Variants in DCC observed in about 807,000 individuals in gnomAD.
DCC encodes DCC netrin 1 receptor, also known as netrin receptor DCC.
Under a neutral mutation model 172.5 loss-of-function variants are expected in DCC, and 58 were observed. The observed-to-expected ratio is 0.34, with a 90% confidence interval of 0.27 to 0.42. The LOEUF (loss-of-function observed/expected upper bound fraction) is 0.42. Ranked by LOEUF, DCC falls within the 10% of genes least tolerant of loss-of-function variation. The pLI is 1.00. For synonymous variants in DCC, 709 were observed against 644.5 expected, an observed-to-expected ratio of 1.10 and a Z score of -1.52; for missense variants, 1,740 against 1,791.0, an observed-to-expected ratio of 0.97 and a Z score of 0.51.
intron 26 of DCC, among the ~76,000 whole-genome samples, chr18:53,494,549 C>T (rs961355896): frequency 2.0e-5 from 3 of 152,138 alleles, no homozygotes; most frequent in African/African-American, 7.2e-5. Context: ...TGCATTGATC[C>T]CTTTAACCAT....
intron 11 of DCC, among the ~76,000 whole-genome samples, chr18:53,213,141 A>G (rs895016298): frequency 6.6e-6 from 1 of 152,216 alleles, no homozygotes; most frequent in Non-Finnish European, 1.5e-5. Context: ...TAAGGGTTGC[A>G]TATCAGCTAG....
In DCC at chr18:52,860,880, C is replaced by A. The variant is rs568011045; in HGVS notation, c.413-45164C>A. On this transcript the variant is annotated intron_variant, in intron 2 of 28. Coordinates refer to ENST00000442544, the MANE Select transcript of DCC (RefSeq NM_005215.4). ...CAGGTGCCAGGTGTGGTGACATGTG[C>A]CTGTAGTCCCAGCTGCTCAGGAGGC... Among the ~76,000 whole-genome samples the A allele has an allele frequency of 7.2e-5, 11 of 152,088 alleles. 1 individual carries two copies. The highest frequency in any genetic ancestry group is 7.2e-4 in the Admixed American group (11 of 15,268).
At chr18:52,470,077 T>A (rs1021280654) in intron 1 of DCC, among the ~76,000 whole-genome samples, 1 of 152,326 alleles carries the variant, frequency 6.6e-6, no homozygotes, top group Middle Eastern at 3.4e-3. Context: ...CAGTCAAATA[T>A]GTATTTGATT....
In DCC at chr18:53,031,040, C is replaced by T. The variant is rs554681684; in HGVS notation, c.986-32265C>T. Among the ~76,000 whole-genome samples, 12 of 152,234 alleles carry T rather than the reference C, an allele frequency of 7.9e-5. No homozygotes were observed. In the East Asian group the frequency reaches 1.2e-3, roughly 15 times the overall value. Reference sequence around the variant, plus strand: ...TTGAGAGGCTGAGGCAGATGGATCACGTGAGGTCAAGAGTTCGAGACCAGC... The same window carrying T: ...TTGAGAGGCTGAGGCAGATGGATCATGTGAGGTCAAGAGTTCGAGACCAGC... On this transcript the variant is annotated intron_variant, in intron 5 of 28. Coordinates refer to ENST00000442544, the MANE Select transcript of DCC (RefSeq NM_005215.4).
intron 1 of DCC, among the ~76,000 whole-genome samples, chr18:52,404,436 T>A (rs1986557362): frequency 2.0e-5 from 3 of 152,054 alleles, no homozygotes; most frequent in Admixed American, 2.0e-4. Context: ...CTGTGTGCCT[T>A]CCTCCTGCTG....
chr18:52,966,167 C>T lies in DCC; in HGVS notation c.985+40797C>T, dbSNP rs559412456. Among the ~76,000 whole-genome samples the T allele has an allele frequency of 6.6e-5, 10 of 152,186 alleles. No homozygotes were observed. In the South Asian group the frequency reaches 2.1e-3, roughly 32 times the overall value. On this transcript the variant is annotated intron_variant, in intron 5 of 28. Transcript: ENST00000442544. ...ACCTTTTTCCCTTGCTATTTTGAAG[C>T]CAAGATTTACCCTGAAGCAAAAAGT...
rs552927709 is a variant in DCC at position 53,283,698 on chromosome 18, A to G, written c.1912-21880A>G. Reference sequence around the variant, plus strand: ...AATTAAAACATAGGCCAGGATTACAATTGTATATAATCAATGCATGTAAGA... The same window carrying G: ...AATTAAAACATAGGCCAGGATTACAGTTGTATATAATCAATGCATGTAAGA... On this transcript the variant is annotated intron_variant, in intron 12 of 28. Coordinates refer to ENST00000442544, the MANE Select transcript of DCC (RefSeq NM_005215.4). 1.3e-3 allele frequency among the ~76,000 whole-genome samples: 205 copies of G among 152,220 alleles called. 1 individual carries two copies. The highest frequency in any genetic ancestry group is 8.2e-4 in the Non-Finnish European group (56 of 68,028).
intron 5 of DCC, among the ~76,000 whole-genome samples, chr18:53,025,885 AAATT>A (rs2041948752): frequency 6.6e-6 from 1 of 151,838 alleles, no homozygotes; most frequent in Admixed American, 6.6e-5. Flanking sequence ...TTGGTGGAAT[AAATT>A]AAAATGTGGT....
At chr18:52,437,970 T>G (rs557774447) in intron 1 of DCC, among the ~76,000 whole-genome samples, 6 of 152,342 alleles carry the variant, frequency 3.9e-5, no homozygotes, top group African/African-American at 1.4e-4. Context: ...TAAGCTTGAC[T>G]ATCCCTATTC....
At chr18:53,032,743 G>T (rs148984818) in intron 5 of DCC, among the ~76,000 whole-genome samples, 4 of 152,266 alleles carry the variant, frequency 2.6e-5, no homozygotes, top group Admixed American at 2.6e-4. Flanking sequence ...AGGGTACAGA[G>T]TGCATGAGGA....
chr18:52,985,961 A>C (rs776382465), intron 5 of DCC, among the ~76,000 whole-genome samples: 2 of 152,120 alleles, frequency 1.3e-5, no homozygotes, highest in African/African-American at 4.8e-5. Flanking sequence ...GCATTATCTT[A>C]ATGCCTTTTA....
chr18:53,140,687 A>T, intron 7 of DCC, among the ~76,000 whole-genome samples: 1 of 152,174 alleles, frequency 6.6e-6, no homozygotes, highest in South Asian at 2.1e-4. Flanking sequence ...AGAGACAAAA[A>T]ATTGATTTTT....
intron 1 of DCC, among the ~76,000 whole-genome samples, chr18:52,539,837 C>A (rs1197703456): frequency 6.6e-6 from 1 of 151,946 alleles, no homozygotes; most frequent in Non-Finnish European, 1.5e-5. Flanking sequence ...AGCCATTCCA[C>A]AAAACATGTT....
chr18:52,406,411 G>A (rs538543585), intron 1 of DCC, among the ~76,000 whole-genome samples: 22 of 151,790 alleles, frequency 1.4e-4, no homozygotes, highest in Non-Finnish European at 2.1e-4. Context: ...GAAAATTTTC[G>A]CAACCTACTC....
At chr18:52,904,958 T>TA (rs1414654580) in intron 2 of DCC, among the ~76,000 whole-genome samples, 3 of 152,142 alleles carry the variant, frequency 2.0e-5, no homozygotes, top group African/African-American at 4.8e-5. Flanking sequence ...TGTAATAATT[T>TA]AAAAAAACAC....
At chr18:53,466,887 A>T (rs955499792) in intron 24 of DCC, among the ~76,000 whole-genome samples, 14 of 152,168 alleles carry the variant, frequency 9.2e-5, no homozygotes, top group Non-Finnish European at 1.5e-5. Context: ...GTGTGGACAG[A>T]GTTAGATTTA....
intron 1 of DCC, among the ~76,000 whole-genome samples, chr18:52,621,324 G>A (rs906114884): frequency 6.6e-6 from 1 of 152,162 alleles, no homozygotes; most frequent in African/African-American, 2.4e-5. Flanking sequence ...TAACTGCACT[G>A]GTGATGAACT....
At chr18:53,512,682 G>A (rs923654250) in intron 27 of DCC, among the ~76,000 whole-genome samples, 10 of 152,020 alleles carry the variant, frequency 6.6e-5, no homozygotes, top group South Asian at 6.2e-4. Context: ...CTCAGGAGCC[G>A]ATGCAATCAA....
intron 20 of DCC, among the ~76,000 whole-genome samples, chr18:53,415,284 A>T (rs1599124116): frequency 6.6e-6 from 1 of 152,188 alleles, no homozygotes; most frequent in African/African-American, 2.4e-5. Flanking sequence ...GTTGTATCCT[A>T]CCTATCAAGT....
Sources: allele counts gnomAD v4.1 joint callset (sites outside exome capture counted in the v4.1 genomes callset), GRCh38; gene constraint gnomAD v4.1.1; transcripts MANE v1.5; gene names NCBI Gene and HGNC (gene_info 2026-07-23, HGNC 2026-07-21).